Variants in TTC7A observed in about 807,000 individuals in gnomAD.
The protein encoded by TTC7A is tetratricopeptide repeat protein 7A.
In TTC7A, 110 loss-of-function variants were observed where a neutral mutation model predicts 103.7. The ratio of observed to expected loss-of-function variants is 1.06; its 90% CI spans 0.91 to 1.24. TTC7A has a LOEUF of 1.24. TTC7A is among the 50% of genes most tolerant of loss of function. The pLI is 0.00. For missense variants in TTC7A, 1,340 were observed against 1,116.3 expected (o/e 1.20, Z -2.86); for synonymous variants, 521 against 467.9 (o/e 1.11, Z -1.47).
chr2:46,953,043 T>G (rs887747375), intron 2 of TTC7A, among the ~76,000 whole-genome samples: 1 of 152,250 alleles, frequency 6.6e-6, no homozygotes, highest in South Asian at 2.1e-4. Context: ...TTGTACCATA[T>G]TTTGTTAAAC....
chr2:47,034,776 G>C (rs899946462), intron 15 of TTC7A, among the ~76,000 whole-genome samples: 1 of 152,188 alleles, frequency 6.6e-6, no homozygotes, highest in Non-Finnish European at 1.5e-5. Flanking sequence ...GTCAGGGTAG[G>C]CCCTCTTGGG....
At chr2:46,965,531 G>T (rs1165318164) in intron 3 of TTC7A, among the ~76,000 whole-genome samples, 2 of 151,988 alleles carry the variant, frequency 1.3e-5, no homozygotes, top group African/African-American at 4.8e-5. Flanking sequence ...TTAGCTGAGG[G>T]GTCTTGGAAT....
At chr2:47,053,567 G>T (rs1327320525) in intron 18 of TTC7A, among the ~76,000 whole-genome samples, 2 of 151,880 alleles carry the variant, frequency 1.3e-5, no homozygotes, top group Non-Finnish European at 2.9e-5. Flanking sequence ...TGGTTGGTTG[G>T]TTGGTTGGTT....
intron 15 of TTC7A, among the ~76,000 whole-genome samples, chr2:47,038,065 A>G (rs1024140804): frequency 2.0e-5 from 3 of 152,026 alleles, no homozygotes; most frequent in African/African-American, 7.2e-5. Flanking sequence ...AGCCTGACCA[A>G]CATAGTGAAA....
intron 18 of TTC7A, among the ~76,000 whole-genome samples, chr2:47,058,046 G>A (rs975296840): frequency 3.3e-5 from 5 of 152,198 alleles, no homozygotes; most frequent in Non-Finnish European, 5.9e-5. Flanking sequence ...CTGTTCAGAT[G>A]CCCCAGCAGC....
intron 18 of TTC7A, among the ~76,000 whole-genome samples, chr2:47,059,581 G>T (rs1683601522): frequency 1.3e-5 from 2 of 152,096 alleles, no homozygotes; most frequent in African/African-American, 4.8e-5. Context: ...CCTACCTTCA[G>T]TCAGCCCCTG....
rs1349256579 is a variant in TTC7A, at chr2:47,046,346, G to T, written c.1834G>T (p.Val612Leu). 3 of 1,614,178 alleles carry T rather than the reference G, an allele frequency of 1.9e-6. No homozygotes were observed. ...GTTCACCAAGGTGAAGCTGGAGCAGGTGCTGAAAGGCCCAGAGGAAGCCCT... is the reference window on the plus strand; with the variant it reads ...GTTCACCAAGGTGAAGCTGGAGCAGTTGCTGAAAGGCCCAGAGGAAGCCCT... The part of the protein sequence containing the change: ...LMFTKVKLEQ[V>L]LKGPEEALVT... The change falls in exon 16 of 20, where the codon GTG (valine) becomes TTG (leucine). Residue 612 changes from valine to leucine, a missense_variant. Transcript: ENST00000319190.
intron 3 of TTC7A, among the ~76,000 whole-genome samples, chr2:46,970,840 G>A (rs549486622): frequency 5.9e-5 from 9 of 152,156 alleles, no homozygotes; most frequent in Non-Finnish European, 1.0e-4. Flanking sequence ...TTTGGCAGTC[G>A]TTGACACCCA....
intron 2 of TTC7A, among the ~76,000 whole-genome samples, chr2:46,918,683 C>CT (rs541683199): frequency 3.2e-4 from 48 of 152,352 alleles, no homozygotes; most frequent in Middle Eastern, 3.4e-3. Context: ...CGTAGTGAAA[C>CT]TGTCACTTGC....
intron 3 of TTC7A, among the ~76,000 whole-genome samples, chr2:46,973,379 C>T (rs954584344): frequency 2.6e-5 from 4 of 152,286 alleles, no homozygotes; most frequent in East Asian, 1.9e-4. Context: ...AAGAGGAGCT[C>T]GAGAGCCTTC....
chr2:46,953,888 C>G (rs1309453815), intron 2 of TTC7A, among the ~76,000 whole-genome samples: 1 of 146,698 alleles, frequency 6.8e-6, no homozygotes, highest in Non-Finnish European at 1.5e-5. Context: ...GTCTCAGATT[C>G]TGGGTTTCAA....
chr2:46,937,597 A>G (rs150485752), upstream of TTC7A, among the ~76,000 whole-genome samples: 943 of 152,252 alleles, frequency 6.2e-3, 8 homozygotes, highest in Admixed American at 0.024. The surrounding 1 kb of genome is among the most constrained non-coding windows in gnomAD (Gnocchi z 4.0). Context: ...AAACCCCCCA[A>G]TGATGATTTT....
At chr2:47,027,395 T>C (rs1680031891) in intron 14 of TTC7A, among the ~76,000 whole-genome samples, 1 of 152,246 alleles carries the variant, frequency 6.6e-6, no homozygotes, top group South Asian at 2.1e-4. Flanking sequence ...ACAAGAGCAC[T>C]TGGCCTGGAG....
At chr2:46,979,473 G>C (rs1572796034) in intron 5 of TTC7A, among the ~76,000 whole-genome samples, 2 of 152,236 alleles carry the variant, frequency 1.3e-5, no homozygotes, top group East Asian at 3.9e-4. Context: ...TTTTCCTGTG[G>C]GTTGTCTTGA....
At chr2:46,994,858 T>C (rs905345916) in intron 7 of TTC7A, among the ~76,000 whole-genome samples, 10 of 152,224 alleles carry the variant, frequency 6.6e-5, no homozygotes, top group Non-Finnish European at 1.5e-4. Context: ...GGCTTCTCCC[T>C]GCTTCTTGCC....
chr2:46,986,334 C>T (rs887746581), intron 5 of TTC7A, among the ~76,000 whole-genome samples: 1 of 152,198 alleles, frequency 6.6e-6, no homozygotes, highest in Non-Finnish European at 1.5e-5. Flanking sequence ...GGTGACGAAG[C>T]CCAGAGAAAG....
At chr2:47,060,245 CTG>C (rs1334577776) in intron 18 of TTC7A, among the ~76,000 whole-genome samples, 1 of 152,150 alleles carries the variant, frequency 6.6e-6, no homozygotes, top group African/African-American at 2.4e-5. Context: ...TGGTGCGTGC[CTG>C]TAACCCCAGC....
At chr2:46,948,667 C>G (rs1671143550) in intron 1 of TTC7A, among the ~76,000 whole-genome samples, 1 of 152,176 alleles carries the variant, frequency 6.6e-6, no homozygotes, top group Non-Finnish European at 1.5e-5. Context: ...CCTATGTTGC[C>G]CAGGCTGGTC....
chr2:47,025,309 C>G (rs1679771314), intron 14 of TTC7A, among the ~76,000 whole-genome samples: 1 of 152,202 alleles, frequency 6.6e-6, no homozygotes, highest in Non-Finnish European at 1.5e-5. Context: ...TACCGGAGGA[C>G]ACCACTGAGG....
Sources: allele counts gnomAD v4.1 joint callset (sites outside exome capture counted in the v4.1 genomes callset), GRCh38; gene constraint gnomAD v4.1.1; non-coding constraint Gnocchi (gnomAD v3.1); transcripts MANE v1.5; gene names NCBI Gene and HGNC (gene_info 2026-07-23, HGNC 2026-07-21).